The following C1QTNF3 variants were observed in gnomAD, a reference collection of about 807,000 sequenced individuals.
The protein encoded by C1QTNF3 is complement C1q tumor necrosis factor-related protein 3.
A neutral mutation model predicts 32.6 loss-of-function variants in C1QTNF3; 26 were observed. The ratio of observed to expected loss-of-function variants is 0.80; its 90% CI spans 0.58 to 1.11. The LOEUF (loss-of-function observed/expected upper bound fraction) is 1.11, where lower values mean the gene tolerates loss of function less well. C1QTNF3 is among the 50% of genes least tolerant of loss of function. C1QTNF3 has a pLI of 0.00. For synonymous variants in C1QTNF3, 155 were observed against 146.0 expected, an observed-to-expected ratio of 1.06 and a Z score of -0.44; for missense variants, 362 against 398.2, an observed-to-expected ratio of 0.91 and a Z score of 0.77.
At chr5:34,157,888 T>C in the C1QTNF3 span, among the ~76,000 whole-genome samples, 1 of 152,172 alleles carries the variant, frequency 6.6e-6, no homozygotes, top group Non-Finnish European at 1.5e-5. Flanking sequence ...AAGTTTGTGG[T>C]AATTCAATAC....
At chr5:34,204,271 A>C in the C1QTNF3 span, among the ~76,000 whole-genome samples, 1 of 152,218 alleles carries the variant, frequency 6.6e-6, no homozygotes, top group African/African-American at 2.4e-5. Context: ...AGATCTACCC[A>C]AAGGAGAACA....
chr5:34,089,652 G>A, the C1QTNF3 span, among the ~76,000 whole-genome samples: 3 of 152,168 alleles, frequency 2.0e-5, no homozygotes, highest in East Asian at 1.9e-4. Context: ...TTTCTATAGC[G>A]TTCTGCACAG....
chr5:34,107,663 A>C, the C1QTNF3 span, among the ~76,000 whole-genome samples: 6 of 152,080 alleles, frequency 3.9e-5, no homozygotes, highest in Admixed American at 3.9e-4. Context: ...ATAAAACAGC[A>C]TAAAAAGAGA....
chr5:34,127,045 C>T, the C1QTNF3 span, among the ~76,000 whole-genome samples: 1 of 152,164 alleles, frequency 6.6e-6, no homozygotes, highest in Non-Finnish European at 1.5e-5. Flanking sequence ...TGCCTTCCGC[C>T]ATGATTGTAA....
At chr5:34,086,952 C>A in the C1QTNF3 span, among the ~76,000 whole-genome samples, 10 of 152,022 alleles carry the variant, frequency 6.6e-5, no homozygotes, top group Admixed American at 3.3e-4. Flanking sequence ...CACCCCATAG[C>A]CAATAAATAT....
chr5:34,123,030 A>G, the C1QTNF3 span, among the ~76,000 whole-genome samples: 1 of 151,040 alleles, frequency 6.6e-6, no homozygotes, highest in African/African-American at 2.4e-5. Flanking sequence ...CACCAGTGAA[A>G]TCAGCAGCCT....
upstream of C1QTNF3, chr5:34,043,521 C>G (rs1013423886): frequency 5.6e-6 from 1 of 177,702 alleles, no homozygotes; most frequent in African/African-American, 2.4e-5. Flanking sequence ...GTCTAAAAAG[C>G]CTTTTGGAAA....
chr5:34,204,833 CCTT>C, the C1QTNF3 span, among the ~76,000 whole-genome samples: 1 of 142,936 alleles, frequency 7.0e-6, no homozygotes, highest in Non-Finnish European at 1.5e-5. Flanking sequence ...GCTTTCTGGA[CCTT>C]TTTTTGATAT....
At chr5:34,117,863 T>C in the C1QTNF3 span, among the ~76,000 whole-genome samples, 38 of 152,246 alleles carry the variant, frequency 2.5e-4, no homozygotes, top group Admixed American at 9.8e-4. Flanking sequence ...TGTGCTGTTA[T>C]TGTCAAATAC....
At chr5:34,176,739 C>T in the C1QTNF3 span, among the ~76,000 whole-genome samples, 1 of 151,942 alleles carries the variant, frequency 6.6e-6, no homozygotes, top group African/African-American at 2.4e-5. Context: ...CACCTGTGGT[C>T]CCAGCTACTT....
At chr5:34,048,144 A>G (rs1755015750), upstream of C1QTNF3, among the ~76,000 whole-genome samples, 1 of 152,216 alleles carries the variant, frequency 6.6e-6, no homozygotes, top group African/African-American at 2.4e-5. Flanking sequence ...AATGAAAAAT[A>G]TAACTCTCAA....
chr5:34,078,348 C>T, the C1QTNF3 span, among the ~76,000 whole-genome samples: 4 of 151,778 alleles, frequency 2.6e-5, no homozygotes, highest in Non-Finnish European at 5.9e-5. The surrounding 1 kb of genome is among the most constrained non-coding windows in gnomAD (Gnocchi z 4.0). Flanking sequence ...GAGACTGGGT[C>T]ATTTGAAAAC....
the C1QTNF3 span, among the ~76,000 whole-genome samples, chr5:34,056,479 TAGAG>T: frequency 0.029 from 1,479 of 51,382 alleles, 6 homozygotes; most frequent in African/African-American, 0.031. Context: ...TATATATATA[TAGAG>T]AGAGAGAGAG....
chr5:34,210,078 T>A, the C1QTNF3 span, among the ~76,000 whole-genome samples: 1 of 152,078 alleles, frequency 6.6e-6, no homozygotes, highest in Non-Finnish European at 1.5e-5. Flanking sequence ...TATGTTATTC[T>A]CAAATTGAAA....
In C1QTNF3 at chr5:34,038,151, T is replaced by C. The variant is rs114461316; in HGVS notation, c.304-2393A>G. Among the ~76,000 whole-genome samples the C allele has an allele frequency of 5.0e-3, 760 of 152,338 alleles. 6 individuals are homozygous for C. The highest frequency in any genetic ancestry group is 0.018 in the African/African-American group (737 of 41,568). On this transcript the variant is annotated intron_variant, in intron 1 of 5. Transcript: ENST00000382065. ...TTTTGTTTGTTTTGTTTTTGGCTAT[T>C]AAATCAGAGGATTGGATGAGGTGGT... is the stretch of plus-strand genomic sequence containing the variant.
chr5:34,125,761 T>C, the C1QTNF3 span, among the ~76,000 whole-genome samples: 3 of 152,354 alleles, frequency 2.0e-5, no homozygotes, highest in South Asian at 6.2e-4. Flanking sequence ...GAGAGATATA[T>C]GCATTTCATA....
At chr5:34,162,929 CAGAGA>C in the C1QTNF3 span, among the ~76,000 whole-genome samples, 2 of 152,106 alleles carry the variant, frequency 1.3e-5, no homozygotes, top group Admixed American at 1.3e-4. Flanking sequence ...TTCAATGCTA[CAGAGA>C]AGAGAGAACA....
chr5:34,031,223 A>T lies in C1QTNF3; in HGVS notation c.570+2081T>A, dbSNP rs147379030. 1.3e-3 allele frequency among the ~76,000 whole-genome samples: 200 copies of T among 152,356 alleles called. 1 individual carries two copies. Among genetic ancestry groups the T allele is most frequent in the Admixed American group, 5.3e-3 (81 of 15,302 alleles). ...TGTAAGTTAGATTAATAAATTCTTT[A>T]ATTTGCTGGGACCTTCAAAGAATGT... On this transcript the variant is annotated intron_variant, in intron 3 of 5. Transcript: ENST00000382065.
chr5:34,036,172 A>G (rs534777718), intron 1 of C1QTNF3, among the ~76,000 whole-genome samples: 97 of 152,326 alleles, frequency 6.4e-4, no homozygotes, highest in African/African-American at 2.3e-3. Flanking sequence ...AAATTACAAG[A>G]ATTATCCACT....
Sources: gnomAD v4.1 joint callset for allele counts (sites outside exome capture counted in the v4.1 genomes callset) on GRCh38, gnomAD v4.1.1 for gene constraint, Gnocchi (gnomAD v3.1) non-coding constraint, MANE v1.5 for transcripts, NCBI Gene and HGNC (gene_info 2026-07-23, HGNC 2026-07-21) for gene names.